The following SMAD6 variants were observed in gnomAD, a reference collection of about 807,000 sequenced individuals.
SMAD6 encodes SMAD family member 6.
A neutral mutation model predicts 39.4 loss-of-function variants in SMAD6; 103 were observed. The observed-to-expected ratio is 2.62, with a 90% CI of 2.23 to 3.08. The LOEUF (loss-of-function observed/expected upper bound fraction) is 3.08, where lower values mean the gene tolerates loss of function less well. Ranked by LOEUF, SMAD6 falls within the 30% of genes most tolerant of loss-of-function variation. The pLI, the probability that SMAD6 is intolerant of heterozygous loss-of-function variation, is 0.00. For missense variants in SMAD6, 1,104 were observed against 742.9 expected, an observed-to-expected ratio of 1.49 and a Z score of -5.65; for synonymous variants, 445 against 353.3, an observed-to-expected ratio of 1.26 and a Z score of -2.91.
intron 3 of SMAD6, among the ~76,000 whole-genome samples, chr15:66,744,487 C>T (rs139933718): frequency 3.3e-4 from 51 of 152,350 alleles, no homozygotes; most frequent in African/African-American, 1.2e-3. Flanking sequence ...CCACCACTTC[C>T]ACTCCATCCA....
chr15:66,743,172 T>C (rs748457451), intron 3 of SMAD6, among the ~76,000 whole-genome samples: 10 of 152,236 alleles, frequency 6.6e-5, no homozygotes, highest in South Asian at 4.1e-4. Flanking sequence ...ACCTTTTTCC[T>C]CGTGGGATCC....
At chr15:66,754,654 T>C (rs569370737) in intron 3 of SMAD6, among the ~76,000 whole-genome samples, 38 of 152,326 alleles carry the variant, frequency 2.5e-4, no homozygotes, top group African/African-American at 8.9e-4. Flanking sequence ...AGCACAGAGT[T>C]GGGCATTTTA....
chr15:66,711,641 A>G, intron 1 of SMAD6, 27 bp from the exon 2 acceptor site: 3 of 1,594,996 alleles, frequency 1.9e-6, no homozygotes, highest in Non-Finnish European at 2.6e-6. Flanking sequence ...CAACCCTGGC[A>G]GTGACATGCT....
chr15:66,777,483 C>CA (rs944280313), intron 3 of SMAD6, among the ~76,000 whole-genome samples: 2 of 152,148 alleles, frequency 1.3e-5, no homozygotes, highest in African/African-American at 4.8e-5. Flanking sequence ...CTCATCTCTA[C>CA]AAAAAAGCTT....
At chr15:66,768,661 C>T (rs975495634) in intron 3 of SMAD6, among the ~76,000 whole-genome samples, 1 of 152,200 alleles carries the variant, frequency 6.6e-6, no homozygotes, top group East Asian at 1.9e-4. Context: ...AATGGTTCTC[C>T]TCACCTACCT....
At position 66,703,763 on chromosome 15, in the gene SMAD6, G is replaced by A; in HGVS notation, c.505G>A (p.Glu169Lys). 7.1e-7 allele frequency: 1 copy of A among 1,416,466 alleles called. No individual in the cohort carries two copies. The allele number at this position is 1,416,466 out of a possible 1,614,324, so 87.7% of individuals were successfully genotyped here. ...AGCGCGCTCGCGGCTGCTGCTGCTG[G>A]AGCAGGAACTCAAAACCGTCACGTA... is the stretch of plus-strand genomic sequence containing the variant. ...REARSRLLLL[E>K]QELKTVTYSL... Residue 169 changes from glutamate (E) to lysine (K), a missense_variant, in exon 1 of 4, where the codon GAG (glutamate) becomes AAG (lysine). Glu to Lys is a moderately conservative substitution (Grantham distance 56). Coordinates refer to ENST00000288840, the MANE Select transcript of SMAD6 (RefSeq NM_005585.5).
chr15:66,703,290 G>T lies in SMAD6; in HGVS notation c.32G>T (p.Arg11Leu). 6.7e-7 allele frequency: 1 copy of T among 1,490,184 alleles called. No homozygotes were observed. The allele number at this position is 1,490,184 out of a possible 1,614,324, so 92.3% of individuals were successfully genotyped here. A position where few individuals can be genotyped will look rare whatever the true frequency, so the allele number is the denominator to read the frequency against. MFRSKRSGLV[R>L]RLWRSRVVPD... ...AGGTCCAAACGCTCGGGGCTGGTGC[G>T]GCGACTTTGGCGAAGTCGTGTGGTC... Residue 11 changes from arginine to leucine, a missense_variant, in exon 1 of 4, where the codon CGG becomes CTG. By Grantham distance (102) the Arg-to-Leu change is moderately radical. Transcript: ENST00000288840.
At chr15:66,744,103 G>A (rs7179372) in intron 3 of SMAD6, among the ~76,000 whole-genome samples, 38,699 of 152,058 alleles carry the variant, frequency 0.25, 5,268 homozygotes, top group East Asian at 0.4. Context: ...AGTGCCCTCC[G>A]GAAAGGCTGT....
At chr15:66,739,871 C>T (rs537200764) in intron 3 of SMAD6, among the ~76,000 whole-genome samples, 5 of 152,282 alleles carry the variant, frequency 3.3e-5, no homozygotes, top group East Asian at 1.9e-4. Context: ...AACTATGAGG[C>T]TCCAGCGCTC....
chr15:66,772,587 T>C (rs1894397320), intron 3 of SMAD6, among the ~76,000 whole-genome samples: 2 of 152,228 alleles, frequency 1.3e-5, no homozygotes, highest in Admixed American at 6.5e-5. Flanking sequence ...ATATTAGTAA[T>C]CATAATAGCT....
intron 2 of SMAD6, among the ~76,000 whole-genome samples, chr15:66,713,405 C>T (rs1488308129): frequency 2.6e-5 from 4 of 152,144 alleles, no homozygotes; most frequent in African/African-American, 7.2e-5. Flanking sequence ...CTGCAACCTC[C>T]GCATCCCGGG....
intron 3 of SMAD6, among the ~76,000 whole-genome samples, chr15:66,769,137 G>A (rs924701913): frequency 8.5e-5 from 13 of 152,122 alleles, no homozygotes; most frequent in African/African-American, 2.7e-4. Flanking sequence ...AGCCCTTCTC[G>A]AAAACCCCTT....
Position 66,744,706 on chromosome 15 carries a change from C to T in SMAD6, c.952+28208C>T, listed in dbSNP as rs543804404. On this transcript the variant is annotated intron_variant, in intron 3 of 3. Coordinates refer to ENST00000288840, the MANE Select transcript of SMAD6 (RefSeq NM_005585.5). The stretch of plus-strand genomic sequence containing the variant: ...CCAAATGAACAAAGGCTCTGTGGGA[C>T]CAATGAATCCAAGAACGTTGGTAGA... Among the ~76,000 whole-genome samples, 13 of 152,314 alleles carry T rather than the reference C, an allele frequency of 8.5e-5. No homozygotes were observed. In the South Asian group the frequency reaches 2.7e-3, roughly 32 times the overall value.
At chr15:66,766,248 A>T (rs1894286259) in intron 3 of SMAD6, among the ~76,000 whole-genome samples, 1 of 152,196 alleles carries the variant, frequency 6.6e-6, no homozygotes, top group Non-Finnish European at 1.5e-5. Flanking sequence ...AGGAGGTGCA[A>T]GTCACAACCG....
chr15:66,756,206 G>T (rs951097814), intron 3 of SMAD6, among the ~76,000 whole-genome samples: 12 of 152,040 alleles, frequency 7.9e-5, no homozygotes, highest in Non-Finnish European at 1.6e-4. Flanking sequence ...AGCTAGGAGT[G>T]GGGGGTGCCT....
chr15:66,768,558 T>G (rs1423102842), intron 3 of SMAD6, among the ~76,000 whole-genome samples: 1 of 152,198 alleles, frequency 6.6e-6, no homozygotes, highest in Non-Finnish European at 1.5e-5. Context: ...TTATTTCATT[T>G]TATTTCGAGC....
At chr15:66,729,173 C>T (rs1417903489) in intron 3 of SMAD6, among the ~76,000 whole-genome samples, 1 of 152,174 alleles carries the variant, frequency 6.6e-6, no homozygotes, top group East Asian at 1.9e-4. Flanking sequence ...CCTCTGCCCA[C>T]ACGGAGGTGG....
chr15:66,711,706 G>T lies in SMAD6; in HGVS notation c.856G>T (p.Asp286Tyr). Residue 286 changes from aspartate to tyrosine, a missense_variant, in exon 2 of 4, where the codon GAC becomes TAC. Transcript: ENST00000288840. ...PPPYSRLSPRDEYKPLDLSDS... is the reference protein window; with the variant it reads ...PPPYSRLSPRYEYKPLDLSDS... The stretch of plus-strand genomic sequence containing the variant: ...TCCCTACTCTCGGCTGTCTCCTCGC[G>T]ACGAGTACAAGCCACTGGGTAAGTG... 1 of 1,613,332 alleles carries T rather than the reference G, an allele frequency of 6.2e-7. No individual in the cohort carries two copies. The highest frequency in any genetic ancestry group is 8.5e-7 in the Non-Finnish European group (1 of 1,179,848).
At chr15:66,711,524 T>A (rs1228936820) in intron 1 of SMAD6, 144 bp from the exon 2 acceptor site, 1 of 712,158 alleles carries the variant, frequency 1.4e-6, no homozygotes, top group Non-Finnish European at 2.6e-6. Context: ...GTTGAGGGGA[T>A]TTGGGCAGCA....
Sources: allele counts gnomAD v4.1 joint callset (sites outside exome capture counted in the v4.1 genomes callset), GRCh38; gene constraint gnomAD v4.1.1; transcripts MANE v1.5; gene names NCBI Gene and HGNC (gene_info 2026-07-23, HGNC 2026-07-21).